The following RBMS3 variants were observed in gnomAD, a reference collection of about 807,000 sequenced individuals.
The protein encoded by RBMS3 is RNA-binding motif, single-stranded-interacting protein 3.
RBMS3 carries 27 observed loss-of-function variants against 66.8 expected under a neutral mutation model. The ratio of observed to expected loss-of-function variants is 0.40; its 90% CI spans 0.30 to 0.56. The LOEUF (loss-of-function observed/expected upper bound fraction) is 0.56. Among genes scored for constraint, RBMS3 ranks in the 20% least tolerant of loss-of-function variants. RBMS3 has a pLI of 0.40. For synonymous variants in RBMS3, 188 were observed against 183.0 expected, an observed-to-expected ratio of 1.03 and a Z score of -0.22; for missense variants, 513 against 549.5, an observed-to-expected ratio of 0.93 and a Z score of 0.66.
At chr3:29,757,850 C>T (rs936753191) in intron 5 of RBMS3, among the ~76,000 whole-genome samples, 2 of 152,188 alleles carry the variant, frequency 1.3e-5, no homozygotes, top group African/African-American at 2.4e-5. Context: ...ACTCCAGACT[C>T]TATTTGGATT....
intron 4 of RBMS3, among the ~76,000 whole-genome samples, chr3:29,602,309 G>T (rs147990811): frequency 1.3e-5 from 2 of 152,004 alleles, no homozygotes; most frequent in African/African-American, 4.8e-5. Flanking sequence ...TGTCTGAAAC[G>T]TTCAGTCTTG....
At chr3:29,874,782 T>G (rs1013366156) in intron 7 of RBMS3, among the ~76,000 whole-genome samples, 1 of 150,844 alleles carries the variant, frequency 6.6e-6, no homozygotes, top group Non-Finnish European at 1.5e-5. Flanking sequence ...TAATTCAGCA[T>G]GAAAACTTTC....
intron 4 of RBMS3, among the ~76,000 whole-genome samples, chr3:29,728,924 C>G (rs2054002375): frequency 6.6e-6 from 1 of 152,042 alleles, no homozygotes; most frequent in Non-Finnish European, 1.5e-5. Context: ...TCAAGCAAAA[C>G]AGCACACAAG....
rs1356727187 is a variant in RBMS3 at position 29,598,436 on chromosome 3, G to A, written c.399+11231G>A. ...GCAACGGATTTCCAGAAAGACTCAAGGATTTTATAATTACTGAGACAATCT... is the reference window on the plus strand; with the variant it reads ...GCAACGGATTTCCAGAAAGACTCAAAGATTTTATAATTACTGAGACAATCT... On this transcript the variant is annotated intron_variant, in intron 4 of 14. Coordinates refer to ENST00000383767, the MANE Select transcript of RBMS3 (RefSeq NM_001003793.3). Among the ~76,000 whole-genome samples the A allele has an allele frequency of 1.2e-4, 19 of 152,012 alleles. No homozygotes were observed. The South Asian group carries it at 3.7e-3, about 30-fold the overall frequency.
intron 6 of RBMS3, among the ~76,000 whole-genome samples, chr3:29,774,874 A>G (rs2056365595): frequency 6.6e-6 from 1 of 150,630 alleles, no homozygotes; most frequent in East Asian, 2.0e-4. Context: ...GATTTATGTC[A>G]ATATGTAACA....
chr3:29,702,381 A>G (rs2052649057), intron 4 of RBMS3, among the ~76,000 whole-genome samples: 1 of 152,182 alleles, frequency 6.6e-6, no homozygotes, highest in Non-Finnish European at 1.5e-5. Flanking sequence ...TCTCTGTTAA[A>G]CAGACCAATC....
At chr3:29,905,332 A>T (rs757623789) in intron 10 of RBMS3, among the ~76,000 whole-genome samples, 6 of 152,028 alleles carry the variant, frequency 3.9e-5, no homozygotes, top group Non-Finnish European at 7.4e-5. Context: ...AAAATGCCAT[A>T]TGTTTTCTTA....
chr3:29,653,686 GT>G (rs966750763), intron 4 of RBMS3, among the ~76,000 whole-genome samples: 7 of 152,078 alleles, frequency 4.6e-5, no homozygotes, highest in Non-Finnish European at 8.8e-5. Flanking sequence ...AAAAGTTGAA[GT>G]TTTTTGTTTT....
chr3:29,952,669 G>A (rs1024248465), intron 12 of RBMS3, among the ~76,000 whole-genome samples: 7 of 151,718 alleles, frequency 4.6e-5, no homozygotes, highest in African/African-American at 1.7e-4. Flanking sequence ...ACCCAATCAA[G>A]CTGATATAAC....
intron 6 of RBMS3, among the ~76,000 whole-genome samples, chr3:29,780,207 G>A (rs898646939): frequency 6.6e-6 from 1 of 151,790 alleles, no homozygotes; most frequent in African/African-American, 2.4e-5. Context: ...CAGGATGAGG[G>A]AACCAGATAT....
At position 29,698,439 on chromosome 3, in the gene RBMS3, G is replaced by C. The variant is rs550121323; in HGVS notation, c.400-41281G>C. ...TATCACAGACATTGCCATGAAAGTG[G>C]TAAATGGAGAAATACAGTCTTTGGA... On this transcript the variant is annotated intron_variant, in intron 4 of 14. Transcript: ENST00000383767. 2.0e-5 allele frequency: 20 copies of C among 985,216 alleles called. No homozygotes were observed. The Admixed American group carries it at 8.6e-4, about 42-fold the overall frequency. The allele number at this position is 985,216 out of a possible 1,614,324, so 61.0% of individuals were successfully genotyped here.
intron 12 of RBMS3, among the ~76,000 whole-genome samples, chr3:29,984,540 C>T (rs1698233535): frequency 6.6e-6 from 1 of 152,058 alleles, no homozygotes; most frequent in African/African-American, 2.4e-5. Context: ...TTTTTCTCAT[C>T]TTCATGGATT....
chr3:29,509,907 G>T (rs1004976025), intron 3 of RBMS3, among the ~76,000 whole-genome samples: 1 of 152,198 alleles, frequency 6.6e-6, no homozygotes, highest in Non-Finnish European at 1.5e-5. Context: ...TGAAGTAGTT[G>T]TCCAATGCAT....
At chr3:29,991,565 A>G (rs550992466) in intron 14 of RBMS3, 39 of 218,210 alleles carry the variant, frequency 1.8e-4, no homozygotes, top group African/African-American at 8.8e-4. Flanking sequence ...GTAAAGAGCA[A>G]GCCCAAATGT....
At chr3:29,938,517 T>C (rs1159439900) in intron 11 of RBMS3, among the ~76,000 whole-genome samples, 1 of 151,942 alleles carries the variant, frequency 6.6e-6, no homozygotes, top group Non-Finnish European at 1.5e-5. Context: ...AGAATTACTT[T>C]GTTGATTCGT....
rs151145513 is a variant in RBMS3 at position 29,289,286 on chromosome 3, C to A, written c.75+7530C>A. On this transcript the variant is annotated intron_variant, in intron 1 of 14. Transcript: ENST00000383767. ...GTCCATACATAAGTAGCAATGTTAT[C>A]ATTTCTGAAGCCCAACTGCATATTT... Among the ~76,000 whole-genome samples the A allele has an allele frequency of 3.9e-3, 587 of 152,048 alleles. 2 individuals are homozygous for A. Among genetic ancestry groups the A allele is most frequent in the African/African-American group, 0.014 (566 of 41,534 alleles).
chr3:29,432,618 C>T (rs955805421), intron 1 of RBMS3, among the ~76,000 whole-genome samples: 4 of 152,134 alleles, frequency 2.6e-5, no homozygotes, highest in African/African-American at 9.7e-5. Flanking sequence ...ACATACATGA[C>T]ATACTCATGT....
At chr3:29,457,487 C>A (rs1425543229) in intron 2 of RBMS3, among the ~76,000 whole-genome samples, 1 of 152,170 alleles carries the variant, frequency 6.6e-6, no homozygotes. Flanking sequence ...TTTGGGAGGC[C>A]GAGGCAGGTG....
At chr3:29,880,496 T>C (rs2059711259) in intron 7 of RBMS3, among the ~76,000 whole-genome samples, 1 of 152,184 alleles carries the variant, frequency 6.6e-6, no homozygotes, top group African/African-American at 2.4e-5. Flanking sequence ...TAAAGGTAGC[T>C]CAACAGAGCA....
Sources: gnomAD v4.1 joint callset for allele counts (sites outside exome capture counted in the v4.1 genomes callset) on GRCh38, gnomAD v4.1.1 for gene constraint, MANE v1.5 for transcripts, NCBI Gene and HGNC (gene_info 2026-07-23, HGNC 2026-07-21) for gene names.